Variants in ANGPT4 observed in about 807,000 individuals in gnomAD.
The protein encoded by ANGPT4 is angiopoietin 4.
Under a neutral mutation model 53.0 loss-of-function variants are expected in ANGPT4, and 50 were observed. The ratio of observed to expected loss-of-function variants is 0.94; its 90% CI spans 0.75 to 1.20. ANGPT4 has a LOEUF of 1.20. ANGPT4 is among the 50% of genes most tolerant of loss of function. The pLI, the probability that ANGPT4 is intolerant of heterozygous loss-of-function variation, is 0.00. For missense variants in ANGPT4, 648 were observed against 637.1 expected (o/e 1.02, Z -0.18); for synonymous variants, 251 against 259.7 (o/e 0.97, Z 0.32).
intron 1 of ANGPT4, among the ~76,000 whole-genome samples, chr20:902,683 C>A (rs1982331503): frequency 6.6e-6 from 1 of 152,088 alleles, no homozygotes; most frequent in African/African-American, 2.4e-5. Flanking sequence ...CTTTATAAAT[C>A]TATGCATTTA....
chr20:899,816 C>T (rs2122840029), intron 1 of ANGPT4, among the ~76,000 whole-genome samples: 1 of 152,332 alleles, frequency 6.6e-6, no homozygotes, highest in African/African-American at 2.4e-5. Flanking sequence ...TCATCCCAGC[C>T]TCTCTTCGGT....
intron 4 of ANGPT4, among the ~76,000 whole-genome samples, chr20:882,180 G>A (rs6077309): frequency 0.24 from 37,024 of 152,050 alleles, 5,611 homozygotes; most frequent in African/African-American, 0.42. Context: ...ACATGAGATC[G>A]GGATAGTATT....
At chr20:898,108 C>T (rs1403973593) in intron 1 of ANGPT4, among the ~76,000 whole-genome samples, 1 of 152,092 alleles carries the variant, frequency 6.6e-6, no homozygotes, top group Non-Finnish European at 1.5e-5. Context: ...TGTCTGTTTC[C>T]TTCCATCTCC....
chr20:915,892 C>T lies in ANGPT4; in HGVS notation c.309+14G>A, dbSNP rs1982911751. 6.5e-7 allele frequency: 1 copy of T among 1,549,772 alleles called. No individual in the cohort carries two copies. The highest frequency in any genetic ancestry group is 2.3e-5 in the East Asian group (1 of 44,218). ...GCCGCCCTCTGCCCCCTGCAAACCT[C>T]CCATGCCCCGTACCTTCTTCAGCCA... On this transcript the variant is annotated intron_variant, in intron 1 of 8. Coordinates refer to ENST00000381922, the MANE Select transcript of ANGPT4 (RefSeq NM_015985.4).
intron 1 of ANGPT4, among the ~76,000 whole-genome samples, chr20:897,062 C>A (rs1361169036): frequency 1.3e-5 from 2 of 152,192 alleles, no homozygotes; most frequent in African/African-American, 4.8e-5. Flanking sequence ...CCTGCCCCTG[C>A]CCGCCAGAGA....
Position 916,101 on chromosome 20 carries a change from G to A in ANGPT4, c.114C>T (p.Val38=), listed in dbSNP as rs770645507. The change falls in exon 1 of 9, where the codon GTC becomes GTT. Residue 38 remains valine, a synonymous_variant. Transcript: ENST00000381922. ...AGGTGTAGCTACAGTGGCCGTGCTG[G>A]ACTACAAGTGTCTCGCAGCCCCTAT... ...EADRGCETLV[V]QHGHCSYTFL... 3 of 1,614,162 alleles carry A rather than the reference G, an allele frequency of 1.9e-6. No individual in the cohort carries two copies. Among genetic ancestry groups the A allele is most frequent in the Non-Finnish European group, 2.5e-6 (3 of 1,180,012 alleles).
At chr20:907,344 G>A (rs1191864186) in intron 1 of ANGPT4, among the ~76,000 whole-genome samples, 2 of 152,142 alleles carry the variant, frequency 1.3e-5, no homozygotes, top group Non-Finnish European at 2.9e-5. Flanking sequence ...GGAAAGGGCT[G>A]CAGAGGGAGG....
At position 914,002 on chromosome 20, in the gene ANGPT4, G is replaced by A. The variant is rs921071171; in HGVS notation, c.309+1904C>T. Reference sequence around the variant, plus strand: ...GGGGGAGATCCAGGTCATGGGTTTTGGGCTCAGGATCCCATCAATGCCAAT... The same window carrying A: ...GGGGGAGATCCAGGTCATGGGTTTTAGGCTCAGGATCCCATCAATGCCAAT... On this transcript the variant is annotated intron_variant, in intron 1 of 8. Transcript: ENST00000381922. This position sits in a 1 kb window ranked among gnomAD's most constrained non-coding sequence, Gnocchi z 5.0. Among the ~76,000 whole-genome samples the A allele has an allele frequency of 3.3e-5, 5 of 152,180 alleles. No homozygotes were observed. Among genetic ancestry groups the A allele is most frequent in the African/African-American group, 1.2e-4 (5 of 41,442 alleles).
Position 885,099 on chromosome 20 carries a change from T to C in ANGPT4, c.814A>G (p.Arg272Gly). The stretch of plus-strand genomic sequence containing the variant: ...TCACCCGGGGCCGAGGCGTTAGCCC[T>C]TTCTTGCACCAGGTGCCGCAACAAC... ...LVLLRHLVQERANASAPAFIM... is the reference protein window; with the variant it reads ...LVLLRHLVQEGANASAPAFIM... Residue 272 changes from arginine to glycine, a missense_variant, in exon 4 of 9, where the codon AGG (arginine) becomes GGG (glycine). Physicochemically the swap from Arg to Gly is moderately radical, Grantham distance 125 (BLOSUM62 -2). Transcript: ENST00000381922. 6.2e-7 allele frequency: 1 copy of C among 1,613,696 alleles called. No homozygotes were observed. Among genetic ancestry groups the C allele is most frequent in the Non-Finnish European group, 8.5e-7 (1 of 1,179,900 alleles).
In ANGPT4 at chr20:914,324, G is replaced by A. The variant is rs524765; in HGVS notation, c.309+1582C>T. On this transcript the variant is annotated intron_variant, in intron 1 of 8. Transcript: ENST00000381922. The surrounding 1 kb of genome is among the most constrained non-coding windows in gnomAD (Gnocchi z 5.0). ...GGTGGAAGAGGAAGGTGGTTATTTC[G>A]TACGGGGAGGACAAGGAGGGCCTCT... 0.75 allele frequency among the ~76,000 whole-genome samples: 114,340 copies of A among 152,000 alleles called. 43,130 individuals are homozygous for A. The highest frequency in any genetic ancestry group is 0.85 in the South Asian group (4,104 of 4,806).
rs1261892041 is a variant in ANGPT4, at chr20:872,522, A to G, written c.*438T>C. 1 of 159,650 alleles carries G rather than the reference A, an allele frequency of 6.3e-6. No homozygotes were observed. Among genetic ancestry groups the G allele is most frequent in the Non-Finnish European group, 1.4e-5 (1 of 72,526 alleles). 9.9% of individuals were successfully genotyped at this position (159,650 alleles called of 1,614,324 possible). A position where few individuals can be genotyped will look rare whatever the true frequency, so the allele number is the denominator to read the frequency against. The stretch of plus-strand genomic sequence containing the variant: ...ACATCTCAAGACTAGAAAATCTTGG[A>G]ACAGGAGCTTAGAATGGGAGATGGC... On this transcript the variant is annotated 3_prime_UTR_variant, in exon 9 of 9. Coordinates refer to ENST00000381922, the MANE Select transcript of ANGPT4 (RefSeq NM_015985.4).
At chr20:913,890 G>A (rs1165344330) in intron 1 of ANGPT4, among the ~76,000 whole-genome samples, 1 of 152,224 alleles carries the variant, frequency 6.6e-6, no homozygotes, top group East Asian at 1.9e-4. Flanking sequence ...GAGACAGACA[G>A]GCAGGAGGAG....
chr20:897,036 C>A (rs1982082932), intron 1 of ANGPT4, among the ~76,000 whole-genome samples: 4 of 152,166 alleles, frequency 2.6e-5, no homozygotes, highest in African/African-American at 9.7e-5. Context: ...AGCTCCCCAC[C>A]AAGCACCTTG....
At chr20:896,139 T>C (rs1039747250) in intron 1 of ANGPT4, among the ~76,000 whole-genome samples, 8 of 152,196 alleles carry the variant, frequency 5.3e-5, no homozygotes, top group African/African-American at 1.9e-4. Context: ...TCTCCTCCAG[T>C]GAACCCCCTC....
At position 909,534 on chromosome 20, in the gene ANGPT4, T is replaced by C. The variant is rs534781577; in HGVS notation, c.309+6372A>G. On this transcript the variant is annotated intron_variant, in intron 1 of 8. Coordinates refer to ENST00000381922, the MANE Select transcript of ANGPT4 (RefSeq NM_015985.4). ...TGGATGGTACGACAGGATTCCTTCC[T>C]TGCACCGTGAATCCTGGAGTCTTGA... Among the ~76,000 whole-genome samples, 4 of 152,328 alleles carry C rather than the reference T, an allele frequency of 2.6e-5. No individual in the cohort carries two copies. In the South Asian group the frequency reaches 8.3e-4, roughly 32 times the overall value.
At chr20:887,757 G>C (rs1320890125) in intron 3 of ANGPT4, among the ~76,000 whole-genome samples, 1 of 151,894 alleles carries the variant, frequency 6.6e-6, no homozygotes, top group Non-Finnish European at 1.5e-5. Flanking sequence ...TCTGGGAAAG[G>C]AATCGTAGAT....
chr20:915,595 C>T (rs969528551), intron 1 of ANGPT4, among the ~76,000 whole-genome samples: 1 of 152,218 alleles, frequency 6.6e-6, no homozygotes, highest in African/African-American at 2.4e-5. Flanking sequence ...CTTTCCCCTA[C>T]TAGTCCAGAG....
Position 904,318 on chromosome 20 carries a change from A to C in ANGPT4, c.309+11588T>G, listed in dbSNP as rs199996847. Among the ~76,000 whole-genome samples, 287 of 152,322 alleles carry C rather than the reference A, an allele frequency of 1.9e-3. 7 individuals are homozygous for C. In the East Asian group the frequency reaches 0.047, roughly 25 times the overall value. ...CCCACCACCTGCCCTTCAGGCTACA[A>C]AAACCTCAGCTTGCCATTCCACACC... On this transcript the variant is annotated intron_variant, in intron 1 of 8. Coordinates refer to ENST00000381922, the MANE Select transcript of ANGPT4 (RefSeq NM_015985.4).
intron 2 of ANGPT4, among the ~76,000 whole-genome samples, chr20:889,847 C>T (rs934203690): frequency 6.6e-6 from 1 of 152,226 alleles, no homozygotes; most frequent in African/African-American, 2.4e-5. Flanking sequence ...TACCTCTTCT[C>T]TCCAAGTCCT....
Sources: allele counts gnomAD v4.1 joint callset (sites outside exome capture counted in the v4.1 genomes callset), GRCh38; gene constraint gnomAD v4.1.1; non-coding constraint Gnocchi (gnomAD v3.1); transcripts MANE v1.5; gene names NCBI Gene and HGNC (gene_info 2026-07-23, HGNC 2026-07-21).